KIF1B: variants seen among roughly 807,000 people sequenced by gnomAD.
The protein encoded by KIF1B is kinesin-like protein KIF1B.
A neutral mutation model predicts 241.9 loss-of-function variants in KIF1B; 76 were observed. That is an observed-to-expected ratio of 0.31 (90% CI 0.26 to 0.38). The LOEUF is 0.38. Among genes scored for constraint, KIF1B ranks in the 10% least tolerant of loss-of-function variants. The pLI, the probability that KIF1B is intolerant of heterozygous loss-of-function variation, is 1.00. For missense variants in KIF1B, 1,622 were observed against 2,271.4 expected, an observed-to-expected ratio of 0.71 and a Z score of 5.81; for synonymous variants, 750 against 796.7, an observed-to-expected ratio of 0.94 and a Z score of 0.99.
At chr1:10,241,524 TA>T (rs1485518259) in intron 2 of KIF1B, among the ~76,000 whole-genome samples, 3 of 152,230 alleles carry the variant, frequency 2.0e-5, no homozygotes, top group African/African-American at 7.2e-5. Flanking sequence ...TTCTTTTTAT[TA>T]CATGATATAA....
intron 45 of KIF1B, among the ~76,000 whole-genome samples, chr1:10,372,798 TTTTTA>T (rs1385834847): frequency 2.0e-5 from 3 of 149,106 alleles, no homozygotes; most frequent in Non-Finnish European, 4.5e-5. Context: ...CCCAGCTAAT[TTTTTA>T]TTTTATTTTA....
intron 15 of KIF1B, among the ~76,000 whole-genome samples, chr1:10,289,436 C>T (rs551495975): frequency 1.3e-5 from 2 of 152,334 alleles, no homozygotes; most frequent in African/African-American, 4.8e-5. Flanking sequence ...GATCTCTGCT[C>T]ACATATCACT....
intron 4 of KIF1B, 54 bp from the exon 5 acceptor site, chr1:10,261,851 C>CT: frequency 8.8e-7 from 1 of 1,140,550 alleles, no homozygotes; most frequent in Non-Finnish European, 1.3e-6. Context: ...GCGTGGATGA[C>CT]TTAGTACTCC....
chr1:10,360,559 C>T (rs1638393751), intron 38 of KIF1B, among the ~76,000 whole-genome samples: 1 of 151,960 alleles, frequency 6.6e-6, no homozygotes, highest in Non-Finnish European at 1.5e-5. Context: ...GTGGCGGGCG[C>T]CTGTAATCCC....
chr1:10,328,612 T>C (rs952246666), intron 27 of KIF1B, among the ~76,000 whole-genome samples: 4 of 152,230 alleles, frequency 2.6e-5, no homozygotes, highest in Admixed American at 6.5e-5. Flanking sequence ...TCTAAGGGAG[T>C]TGGAAGTTAA....
At chr1:10,327,908 T>C (rs1297840636) in intron 27 of KIF1B, among the ~76,000 whole-genome samples, 1 of 152,060 alleles carries the variant, frequency 6.6e-6, no homozygotes, top group Admixed American at 6.5e-5. Context: ...GAGACATAGG[T>C]TCTAAAATTT....
chr1:10,342,080 G>A lies in KIF1B; in HGVS notation c.3544G>A (p.Asp1182Asn). ...AGTGGAGATCACTGAATCATTTGTG[G>A]ATTACATCAAAACCAAGCCTATTGT... Reference protein sequence around the residue: ...IAVEITESFVDYIKTKPIVFE... With the variant: ...IAVEITESFVNYIKTKPIVFE... The change falls in exon 33 of 49, where the codon GAT becomes AAT. Residue 1182 changes from aspartate to asparagine, a missense_variant. This residue lies in a region of KIF1B where 803 missense variants were observed against 1,112.0 expected (regional missense o/e 0.72). Coordinates refer to ENST00000676179, the MANE Select transcript of KIF1B (RefSeq NM_001365951.3). 1 of 1,612,392 alleles carries A rather than the reference G, an allele frequency of 6.2e-7. No individual in the cohort carries two copies. The highest frequency in any genetic ancestry group is 8.5e-7 in the Non-Finnish European group (1 of 1,178,482).
chr1:10,305,952 A>G, intron 22 of KIF1B: 3 of 1,053,998 alleles, frequency 2.8e-6, no homozygotes, highest in Non-Finnish European at 3.4e-6. Context: ...TCTATCAAAC[A>G]CTTGTCTTCC....
intron 3 of KIF1B, among the ~76,000 whole-genome samples, chr1:10,257,616 A>G (rs1021589926): frequency 1.3e-5 from 2 of 152,068 alleles, no homozygotes; most frequent in East Asian, 1.9e-4. Context: ...GGGATTGTTC[A>G]TAGAGTTTAC....
At chr1:10,353,624 G>A (rs1345509812) in intron 38 of KIF1B, among the ~76,000 whole-genome samples, 1 of 152,162 alleles carries the variant, frequency 6.6e-6, no homozygotes, top group African/African-American at 2.4e-5. Flanking sequence ...GTTGAGAGGA[G>A]GGAGGGAAGG....
Position 10,352,619 on chromosome 1 carries a change from C to A in KIF1B, c.3950-12C>A. On this transcript the variant is annotated splice_polypyrimidine_tract_variant and intron_variant, in intron 37 of 48. Coordinates refer to ENST00000676179, the MANE Select transcript of KIF1B (RefSeq NM_001365951.3). ...TGTGTCCGTGCTCTGTTTTTTTTAT[C>A]CTTTCTTTTAGGTCGTATTCGGAAT... is the stretch of plus-strand genomic sequence containing the variant. The A allele has an allele frequency of 6.2e-7, 1 of 1,603,238 alleles. No homozygotes were observed.
At position 10,338,682 on chromosome 1, in the gene KIF1B, G is replaced by A. The variant is rs566612412; in HGVS notation, c.3423-1087G>A. Among the ~76,000 whole-genome samples, 10 of 152,322 alleles carry A rather than the reference G, an allele frequency of 6.6e-5. No homozygotes were observed. The South Asian group carries it at 2.1e-3, about 32-fold the overall frequency. On this transcript the variant is annotated intron_variant, in intron 31 of 48. Coordinates refer to ENST00000676179, the MANE Select transcript of KIF1B (RefSeq NM_001365951.3). ...GCATCTCTACCTGGTGTTAGCTCTG[G>A]GGAAAAGGGCATGTTGCTTCTGTTG...
intron 40 of KIF1B, 60 bp downstream of exon 40, chr1:10,361,885 T>G: frequency 6.3e-7 from 1 of 1,577,686 alleles, no homozygotes; most frequent in East Asian, 2.2e-5. Flanking sequence ...GAATCATTAG[T>G]CCTTAAGTAT....
chr1:10,272,034 G>A (rs1250864918), intron 8 of KIF1B, among the ~76,000 whole-genome samples: 1 of 152,184 alleles, frequency 6.6e-6, no homozygotes, highest in East Asian at 1.9e-4. Context: ...CAAATATCTC[G>A]AAGATACTTC....
At chr1:10,332,660 C>T (rs1394334977) in intron 27 of KIF1B, among the ~76,000 whole-genome samples, 12 of 149,724 alleles carry the variant, frequency 8.0e-5, no homozygotes, top group South Asian at 2.1e-4. Context: ...GGACTACAGG[C>T]GCCTGCCACT....
intron 22 of KIF1B, chr1:10,307,396 G>A: frequency 1.6e-6 from 1 of 609,404 alleles, no homozygotes; most frequent in Non-Finnish European, 2.1e-6. Context: ...TGCAACCTCT[G>A]CCTCCTGGGT....
intron 22 of KIF1B, chr1:10,307,642 C>T (rs529603522): frequency 9.8e-7 from 1 of 1,015,484 alleles, no homozygotes; most frequent in Non-Finnish European, 1.2e-6. Flanking sequence ...TTTCTCTAAG[C>T]TTAAATACCA....
At chr1:10,243,988 A>G (rs1034051022) in intron 2 of KIF1B, among the ~76,000 whole-genome samples, 2 of 152,192 alleles carry the variant, frequency 1.3e-5, no homozygotes, top group East Asian at 3.8e-4. Context: ...ATGCTAAGTA[A>G]CATGTTTTAT....
Position 10,326,400 on chromosome 1 carries a change from TC to T in KIF1B, c.2924+42del. On this transcript the variant is annotated intron_variant, in intron 27 of 48. Coordinates refer to ENST00000676179, the MANE Select transcript of KIF1B (RefSeq NM_001365951.3). This position sits in a 1 kb window ranked among gnomAD's most constrained non-coding sequence, Gnocchi z 5.2. The stretch of plus-strand genomic sequence containing the variant: ...GTGAGAAAGGCGAAAAGGGACCAGC[TC>T]TTGCTCTGAAGGCCTCCCTGCTTGC... The T allele has an allele frequency of 1.2e-6, 2 of 1,613,282 alleles. No homozygotes were observed. Among genetic ancestry groups the T allele is most frequent in the African/African-American group, 1.3e-5 (1 of 75,036 alleles).
Sources: gnomAD v4.1 joint callset for allele counts (sites outside exome capture counted in the v4.1 genomes callset) on GRCh38, gnomAD v4.1.1 for gene constraint, gnomAD v4.1.1 regional missense constraint, Gnocchi (gnomAD v3.1) non-coding constraint, MANE v1.5 for transcripts, NCBI Gene and HGNC (gene_info 2026-07-23, HGNC 2026-07-21) for gene names.